The following ZNF200 variants were observed in gnomAD, a reference collection of about 807,000 sequenced individuals.
ZNF200 encodes zinc finger protein 200.
In ZNF200, 35 loss-of-function variants were observed where a neutral mutation model predicts 33.6. The observed-to-expected ratio is 1.04, with a 90% CI of 0.80 to 1.38. ZNF200 has a LOEUF of 1.38. Among genes scored for constraint, ZNF200 ranks in the 40% most tolerant of loss-of-function variants. ZNF200 has a pLI of 0.00. For synonymous variants in ZNF200, 209 were observed against 167.7 expected, an observed-to-expected ratio of 1.25 and a Z score of -1.90; for missense variants, 592 against 470.6, an observed-to-expected ratio of 1.26 and a Z score of -2.39.
At chr16:3,225,505 G>T in intron 4 of ZNF200, 1 of 152,136 alleles carries the variant, frequency 6.6e-6, no homozygotes, top group East Asian at 1.9e-4. Flanking sequence ...TGAAGCTTTG[G>T]GATTAGAAGT....
intron 4 of ZNF200, chr16:3,227,672 C>T (rs560423586): frequency 2.0e-5 from 3 of 152,204 alleles, no homozygotes; most frequent in Non-Finnish European, 2.9e-5. Flanking sequence ...CCCCTTTACT[C>T]GTACTTCTCC....
chr16:3,229,033 T>C (rs1958558855), intron 4 of ZNF200, among the ~76,000 whole-genome samples: 1 of 152,244 alleles, frequency 6.6e-6, no homozygotes, highest in Non-Finnish European at 1.5e-5. Context: ...TTTTTTGTCA[T>C]TCCCTAAACA....
At position 3,223,565 on chromosome 16, in the gene ZNF200, C is replaced by T. The variant is rs963678545; in HGVS notation, c.*327G>A. 5.4e-5 allele frequency: 12 copies of T among 220,232 alleles called. No individual in the cohort carries two copies. Among genetic ancestry groups the T allele is most frequent in the Non-Finnish European group, 1.8e-5 (2 of 112,854 alleles). 13.6% of individuals were successfully genotyped at this position (220,232 alleles called of 1,614,324 possible). On this transcript the variant is annotated 3_prime_UTR_variant, in exon 5 of 5. Coordinates refer to ENST00000414144, the MANE Select transcript of ZNF200 (RefSeq NM_198088.3). ...ATACTTTCAATAGACACAAGTCACT[C>T]TTTGCCTTCCAAGTAAGCAGACTCC...
At chr16:3,230,688 T>C (rs1958611964) in intron 4 of ZNF200, among the ~76,000 whole-genome samples, 1 of 152,214 alleles carries the variant, frequency 6.6e-6, no homozygotes, top group South Asian at 2.1e-4. Flanking sequence ...TTGCAAAAAT[T>C]GGTTAAATGT....
chr16:3,227,040 A>C (rs1350433438), intron 4 of ZNF200: 1 of 152,264 alleles, frequency 6.6e-6, no homozygotes, highest in Non-Finnish European at 1.5e-5. Flanking sequence ...TCCTGGGTTC[A>C]AGTGATTCTC....
At chr16:3,229,290 C>T (rs781612500) in intron 4 of ZNF200, among the ~76,000 whole-genome samples, 6 of 151,924 alleles carry the variant, frequency 3.9e-5, no homozygotes, top group Non-Finnish European at 8.8e-5. Context: ...CATAAGAGAG[C>T]TCATGGCTGT....
chr16:3,229,130 G>T (rs1324734204), intron 4 of ZNF200, among the ~76,000 whole-genome samples: 1 of 152,122 alleles, frequency 6.6e-6, no homozygotes, highest in Non-Finnish European at 1.5e-5. Flanking sequence ...TAGGATATGT[G>T]TGGAGTATAT....
At position 3,233,576 on chromosome 16, in the gene ZNF200, G is replaced by A. The variant is rs1958703714; in HGVS notation, c.180C>T (p.Val60=). The change falls in exon 2 of 5, where the codon GTC becomes GTT. Residue 60 remains valine, a synonymous_variant. Coordinates refer to ENST00000414144, the MANE Select transcript of ZNF200 (RefSeq NM_198088.3). The part of the protein sequence containing the change: ...FLTFLPKPSL[V]QPSQKVKETL... ...TCTCCTTGACTTTCTGACTGGGCTG[G>A]ACCAGGCTTGGCTTGGGCAAGAAGG... is the stretch of plus-strand genomic sequence containing the variant. 1 of 1,611,386 alleles carries A rather than the reference G, an allele frequency of 6.2e-7. No individual in the cohort carries two copies. The highest frequency in any genetic ancestry group is 1.1e-5 in the South Asian group (1 of 90,804).
intron 4 of ZNF200, chr16:3,227,813 C>G (rs898180510): frequency 3.9e-5 from 6 of 152,172 alleles, no homozygotes; most frequent in Non-Finnish European, 7.3e-5. Flanking sequence ...ATTACCAAGT[C>G]TCGGACAATT....
In ZNF200 at chr16:3,223,705, A is replaced by C; in HGVS notation, c.*187T>G. On this transcript the variant is annotated 3_prime_UTR_variant, in exon 5 of 5. Transcript: ENST00000414144. The stretch of plus-strand genomic sequence containing the variant: ...CCTAGATGCTGAGGTATAGCCCTTG[A>C]AATGTTTTCTTCCCTGTGAATTTTC... 2 of 875,550 alleles carry C rather than the reference A, an allele frequency of 2.3e-6. No individual in the cohort carries two copies. The highest frequency in any genetic ancestry group is 1.7e-6 in the Non-Finnish European group (1 of 592,674). The allele number at this position is 875,550 out of a possible 1,614,324, so 54.2% of individuals were successfully genotyped here.
rs140755464 is a variant in ZNF200, at chr16:3,234,459, A to T, written c.-82+528T>A. 3.3e-5 allele frequency among the ~76,000 whole-genome samples: 5 copies of T among 152,292 alleles called. No individual in the cohort carries two copies. In the East Asian group the frequency reaches 9.6e-4, roughly 29 times the overall value. On this transcript the variant is annotated intron_variant, in intron 1 of 4. Transcript: ENST00000414144. ...AGGAAGGGAATCAGGGAAGAGAAAGAAAATAAAAGGAAAAAGAAAGAAAAG... is the reference window on the plus strand; with the variant it reads ...AGGAAGGGAATCAGGGAAGAGAAAGTAAATAAAAGGAAAAAGAAAGAAAAG...
At chr16:3,234,651 TCCCTCC>T (rs1958753791) in intron 1 of ZNF200, 8 of 152,150 alleles carry the variant, frequency 5.3e-5, no homozygotes, top group African/African-American at 1.9e-4. Flanking sequence ...GAACCGAAGC[TCCCTCC>T]GGTGCCCTTT....
At chr16:3,230,098 G>A (rs1412134833) in intron 4 of ZNF200, among the ~76,000 whole-genome samples, 1 of 152,182 alleles carries the variant, frequency 6.6e-6, no homozygotes, top group Non-Finnish European at 1.5e-5. Context: ...AAAAGAGCCT[G>A]GCACCTTCCT....
Position 3,223,787 on chromosome 16 carries a change from A to T in ZNF200, c.*105T>A, listed in dbSNP as rs1958391044. 3 of 1,458,802 alleles carry T rather than the reference A, an allele frequency of 2.1e-6. No individual in the cohort carries two copies. The Admixed American group carries it at 7.4e-5, about 36-fold the overall frequency. The allele number at this position is 1,458,802 out of a possible 1,614,324, so 90.4% of individuals were successfully genotyped here. A position where few individuals can be genotyped will look rare whatever the true frequency, so the allele number is the denominator to read the frequency against. On this transcript the variant is annotated 3_prime_UTR_variant, in exon 5 of 5. Transcript: ENST00000414144. ...TTTATCCAATTTTGGCAATAATGAG[A>T]TTTTTACACATTTATACCTTTTTAG... is the stretch of plus-strand genomic sequence containing the variant.
chr16:3,223,910 C>T lies in ZNF200; in HGVS notation c.1170G>A (p.Lys390=). The change falls in exon 5 of 5, where the codon AAG becomes AAA. Residue 390 remains lysine (K), a synonymous_variant. Coordinates refer to ENST00000414144, the MANE Select transcript of ZNF200 (RefSeq NM_198088.3). ...TRHEKTHSAC[K]TRKQK Reference sequence around the variant, plus strand: ...CCCAGTATTACTTCTGCTTTCGGGTCTTACAGGCTGAGTGGGTTTTCTCAT... The same window carrying T: ...CCCAGTATTACTTCTGCTTTCGGGTTTTACAGGCTGAGTGGGTTTTCTCAT... 6.2e-7 allele frequency: 1 copy of T among 1,612,914 alleles called. No homozygotes were observed. Among genetic ancestry groups the T allele is most frequent in the Non-Finnish European group, 8.5e-7 (1 of 1,179,394 alleles).
At chr16:3,225,761 T>C (rs989804575) in intron 4 of ZNF200, 2 of 152,150 alleles carry the variant, frequency 1.3e-5, no homozygotes, top group African/African-American at 4.8e-5. Flanking sequence ...GCTGTGGATA[T>C]ACTTGTGTGA....
At chr16:3,231,364 C>G (rs1287530218) in intron 4 of ZNF200, among the ~76,000 whole-genome samples, 2 of 152,146 alleles carry the variant, frequency 1.3e-5, no homozygotes, top group African/African-American at 4.8e-5. Flanking sequence ...TACTTCTGAC[C>G]ATACGGTATA....
Position 3,223,659 on chromosome 16 carries a change from A to G in ZNF200, c.*233T>C. 1 of 504,662 alleles carries G rather than the reference A, an allele frequency of 2.0e-6. No homozygotes were observed. The highest frequency in any genetic ancestry group is 3.4e-6 in the Non-Finnish European group (1 of 298,390). 31.3% of individuals were successfully genotyped at this position (504,662 alleles called of 1,614,324 possible). A position where few individuals can be genotyped will look rare whatever the true frequency, so the allele number is the denominator to read the frequency against. ...ACATTATCATATAACTTCAAAAAGGAAAGCTCCTTAGTCCAAAAAGCCTAG... is the reference window on the plus strand; with the variant it reads ...ACATTATCATATAACTTCAAAAAGGGAAGCTCCTTAGTCCAAAAAGCCTAG... On this transcript the variant is annotated 3_prime_UTR_variant, in exon 5 of 5. Transcript: ENST00000414144.
chr16:3,223,276 TG>T lies in ZNF200; in HGVS notation c.*615del. 1 of 152,300 alleles carries T rather than the reference TG, an allele frequency of 6.6e-6. No individual in the cohort carries two copies. The highest frequency in any genetic ancestry group is 1.5e-5 in the Non-Finnish European group (1 of 68,080). 9.4% of individuals were successfully genotyped at this position (152,300 alleles called of 1,614,324 possible). ...TGTAAAAGTCAGTTTTATCACAAAT[TG>T]TAAATATTATTGAAATTGATTGCAA... is the stretch of plus-strand genomic sequence containing the variant. On this transcript the variant is annotated 3_prime_UTR_variant, in exon 5 of 5. Transcript: ENST00000414144.
Sources: allele counts gnomAD v4.1 joint callset (sites outside exome capture counted in the v4.1 genomes callset), GRCh38; gene constraint gnomAD v4.1.1; transcripts MANE v1.5; gene names NCBI Gene and HGNC (gene_info 2026-07-23, HGNC 2026-07-21).